The following FBRSL1 variants were observed in gnomAD, a reference collection of about 807,000 sequenced individuals.
FBRSL1 encodes the protein fibrosin like 1.
A neutral mutation model predicts 89.6 loss-of-function variants in FBRSL1; 51 were observed. The observed-to-expected ratio is 0.57, with a 90% CI of 0.45 to 0.72. The LOEUF (loss-of-function observed/expected upper bound fraction) is 0.72. FBRSL1 is among the 30% of genes least tolerant of loss of function. The pLI is 0.00. For synonymous variants in FBRSL1, 779 were observed against 681.1 expected, an observed-to-expected ratio of 1.14 and a Z score of -2.24; for missense variants, 1,618 against 1,451.8, an observed-to-expected ratio of 1.11 and a Z score of -1.86.
intron 5 of FBRSL1, among the ~76,000 whole-genome samples, chr12:132,564,553 T>A (rs571096602): frequency 2.2e-5 from 3 of 138,874 alleles, no homozygotes; most frequent in African/African-American, 8.2e-5. Context: ...TGGAGTCCAG[T>A]GGTACGATCT....
intron 2 of FBRSL1, among the ~76,000 whole-genome samples, chr12:132,512,255 G>C (rs1025865006): frequency 2.1e-4 from 32 of 152,374 alleles, no homozygotes; most frequent in African/African-American, 7.2e-4. Flanking sequence ...CCATCCCCGG[G>C]ATCAGTGTCC....
chr12:132,577,732 G>C (rs2040470106), intron 15 of FBRSL1, among the ~76,000 whole-genome samples: 2 of 152,116 alleles, frequency 1.3e-5, no homozygotes, highest in Non-Finnish European at 2.9e-5. Flanking sequence ...GTGCTGATCT[G>C]TAGGCACCAC....
At chr12:132,548,701 G>A (rs1284953297) in intron 5 of FBRSL1, among the ~76,000 whole-genome samples, 1 of 152,224 alleles carries the variant, frequency 6.6e-6, no homozygotes, top group Admixed American at 6.5e-5. Flanking sequence ...GAGGAGGCCA[G>A]GCAGGTGGCG....
rs1593549759 is a variant in FBRSL1 at position 132,570,494 on chromosome 12, C to T, written c.1167C>T (p.Pro389=). The T allele has an allele frequency of 4.6e-6, 7 of 1,528,216 alleles. No homozygotes were observed. The highest frequency in any genetic ancestry group is 1.4e-5 in the African/African-American group (1 of 72,234). 94.7% of individuals were successfully genotyped at this position (1,528,216 alleles called of 1,614,324 possible). The change falls in exon 8 of 19, where the codon CCC becomes CCT. Residue 389 remains proline, a synonymous_variant. Coordinates refer to ENST00000680143, the MANE Select transcript of FBRSL1 (RefSeq NM_001367871.1). ...CCGCACCCCCGACACTGCCCCCGCC[C>T]CCGGCGCTGCCGGCCAGCAGCCTGG... is the stretch of plus-strand genomic sequence containing the variant. ...MFAAPPTLPP[P]PALPASSLVL... is the part of the protein sequence containing the mutation.
At chr12:132,502,530 C>T (rs1237106630) in intron 1 of FBRSL1, among the ~76,000 whole-genome samples, 3 of 152,136 alleles carry the variant, frequency 2.0e-5, no homozygotes, top group Non-Finnish European at 4.4e-5. Flanking sequence ...TGACAGTGGC[C>T]TCCCAGTCGG....
intron 1 of FBRSL1, among the ~76,000 whole-genome samples, chr12:132,501,812 G>T (rs1209373424): frequency 1.3e-5 from 2 of 152,112 alleles, no homozygotes; most frequent in South Asian, 2.1e-4. Flanking sequence ...AGGAGCTGGC[G>T]GGGAGCAGGA....
intron 1 of FBRSL1, among the ~76,000 whole-genome samples, chr12:132,505,130 A>C (rs1029862870): frequency 6.6e-6 from 1 of 151,834 alleles, no homozygotes; most frequent in Non-Finnish European, 1.5e-5. Flanking sequence ...CATCTCAAAA[A>C]CAAAAAGATA....
intron 4 of FBRSL1, among the ~76,000 whole-genome samples, chr12:132,531,697 G>A (rs530829495): frequency 5.3e-5 from 8 of 152,094 alleles, no homozygotes; most frequent in East Asian, 1.9e-4. Context: ...TGTTGTGCAC[G>A]TGGCGTTGCG....
At chr12:132,505,837 C>G (rs1347376002) in intron 1 of FBRSL1, among the ~76,000 whole-genome samples, 1 of 152,220 alleles carries the variant, frequency 6.6e-6, no homozygotes, top group Admixed American at 6.5e-5. Context: ...CTCTCCCAGG[C>G]CTGGGTACCT....
chr12:132,514,820 G>C (rs1321655905), intron 2 of FBRSL1, among the ~76,000 whole-genome samples: 1 of 152,170 alleles, frequency 6.6e-6, no homozygotes, highest in African/African-American at 2.4e-5. Flanking sequence ...GAGTTAAGAA[G>C]AAATAAGTAA....
chr12:132,574,983 T>TGGGAAGGCTG (rs2040285167), intron 14 of FBRSL1, among the ~76,000 whole-genome samples: 2 of 151,956 alleles, frequency 1.3e-5, no homozygotes, highest in South Asian at 4.2e-4. Context: ...GATGTGCACC[T>TGGGAAGGCTG]GGGAAGGCTG....
intron 1 of FBRSL1, among the ~76,000 whole-genome samples, chr12:132,500,995 C>T (rs958825197): frequency 2.0e-5 from 3 of 152,242 alleles, no homozygotes; most frequent in African/African-American, 7.2e-5. Flanking sequence ...GGCGTGGCTG[C>T]GTGCCTCTCC....
intron 1 of FBRSL1, among the ~76,000 whole-genome samples, chr12:132,497,723 G>T: frequency 6.6e-6 from 1 of 152,312 alleles, no homozygotes; most frequent in African/African-American, 2.4e-5. Flanking sequence ...CACCTGCTGA[G>T]GCAACCCCGG....
rs1177679680 is a variant in FBRSL1 at position 132,583,021 on chromosome 12, C to G, written c.2252C>G (p.Pro751Arg). Residue 751 changes from proline (P) to arginine (R), a missense_variant, in exon 19 of 19, where the codon CCC (proline) becomes CGC (arginine). Transcript: ENST00000680143. ...RLLSRASPAT[P>R]AGHPVSGLLL... ...CTGAGCCGGGCCTCGCCCGCCACCCCCGCTGGCCACCCCGTCAGCGGCCTC... is the reference window on the plus strand; with the variant it reads ...CTGAGCCGGGCCTCGCCCGCCACCCGCGCTGGCCACCCCGTCAGCGGCCTC... 4.4e-5 allele frequency: 64 copies of G among 1,457,702 alleles called. No homozygotes were observed. The highest frequency in any genetic ancestry group is 5.7e-5 in the Non-Finnish European group (63 of 1,112,700). The allele number at this position is 1,457,702 out of a possible 1,614,324, so 90.3% of individuals were successfully genotyped here.
In FBRSL1 at chr12:132,584,325, G is replaced by A. The variant is rs1416801782; in HGVS notation, c.*547G>A. The A allele has an allele frequency of 6.6e-6, 1 of 152,158 alleles. No individual in the cohort carries two copies. The highest frequency in any genetic ancestry group is 1.5e-5 in the Non-Finnish European group (1 of 68,032). The allele number at this position is 152,158 out of a possible 1,614,324, so 9.4% of individuals were successfully genotyped here. On this transcript the variant is annotated 3_prime_UTR_variant, in exon 19 of 19. Coordinates refer to ENST00000680143, the MANE Select transcript of FBRSL1 (RefSeq NM_001367871.1). ...TGTTTTTTTGCCTTATTATGCAGAAGTGTAATTTCTTTTTTGGTTTGTTTT... is the reference window on the plus strand; with the variant it reads ...TGTTTTTTTGCCTTATTATGCAGAAATGTAATTTCTTTTTTGGTTTGTTTT...
chr12:132,577,091 C>T (rs1288259823), intron 15 of FBRSL1, among the ~76,000 whole-genome samples, 160 bp downstream of exon 15: 1 of 152,058 alleles, frequency 6.6e-6, no homozygotes, highest in Non-Finnish European at 1.5e-5. Context: ...CCTGGCAACT[C>T]CCTCACCTCA....
At chr12:132,525,641 G>A (rs1295384042) in intron 2 of FBRSL1, 93 bp from the exon 3 acceptor site, 1 of 1,023,838 alleles carries the variant, frequency 9.8e-7, no homozygotes, top group Non-Finnish European at 1.5e-6. Flanking sequence ...GTGCTGGGGT[G>A]CCGGGAGCAG....
intron 1 of FBRSL1, among the ~76,000 whole-genome samples, chr12:132,495,167 G>C (rs1240408458): frequency 1.3e-5 from 2 of 152,238 alleles, no homozygotes; most frequent in African/African-American, 4.8e-5. Flanking sequence ...GCCCTGCCCT[G>C]CATCCTGGAG....
Position 132,490,405 on chromosome 12 carries a change from C to G in FBRSL1, c.-166C>G, listed in dbSNP as rs1412537769. On this transcript the variant is annotated 5_prime_UTR_variant, in exon 1 of 19. Coordinates refer to ENST00000680143, the MANE Select transcript of FBRSL1 (RefSeq NM_001367871.1). ...GCCGGGCCCGGGGCTGAGCCGCCCCCCGCGCCCGGCATGCCCGGCCCGGCC... is the reference window on the plus strand; with the variant it reads ...GCCGGGCCCGGGGCTGAGCCGCCCCGCGCGCCCGGCATGCCCGGCCCGGCC... 4.8e-5 allele frequency: 15 copies of G among 312,438 alleles called. No individual in the cohort carries two copies. In the South Asian group the frequency reaches 1.6e-3, roughly 33 times the overall value. The allele number at this position is 312,438 out of a possible 1,614,324, so 19.4% of individuals were successfully genotyped here.
Sources: gnomAD v4.1 joint callset for allele counts (sites outside exome capture counted in the v4.1 genomes callset) on GRCh38, gnomAD v4.1.1 for gene constraint, MANE v1.5 for transcripts, NCBI Gene and HGNC (gene_info 2026-07-23, HGNC 2026-07-21) for gene names.